Variants in EDC3 observed in about 807,000 individuals in gnomAD.
EDC3 encodes enhancer of mRNA-decapping protein 3.
EDC3 carries 20 observed loss-of-function variants against 41.8 expected under a neutral mutation model. The ratio of observed to expected loss-of-function variants is 0.48; its 90% confidence interval spans 0.34 to 0.70. EDC3 has a LOEUF of 0.70. Ranked by LOEUF, EDC3 falls within the 30% of genes least tolerant of loss-of-function variation. The pLI, the probability that EDC3 is intolerant of heterozygous loss-of-function variation, is 0.01. For synonymous variants in EDC3, 206 were observed against 243.2 expected (o/e 0.85, Z 1.42); for missense variants, 444 against 636.8 (o/e 0.70, Z 3.26).
chr15:74,666,996 A>C (rs984726094), intron 3 of EDC3, among the ~76,000 whole-genome samples: 6 of 152,226 alleles, frequency 3.9e-5, no homozygotes, highest in African/African-American at 1.4e-4. Context: ...GATGAAAGGC[A>C]AAAGAAACAG....
Position 74,663,310 on chromosome 15 carries a change from A to T in EDC3, c.485-7242T>A, listed in dbSNP as rs146718056. Among the ~76,000 whole-genome samples, 1,329 of 152,140 alleles carry T rather than the reference A, an allele frequency of 8.7e-3. 23 individuals carry two copies. The highest frequency in any genetic ancestry group is 0.029 in the African/African-American group (1,219 of 41,480). The stretch of plus-strand genomic sequence containing the variant: ...CTCAAAAAATAAATAAATAAATAAA[A>T]AATAAAATGTAAAGAAAAAGAAAAA... On this transcript the variant is annotated intron_variant, in intron 3 of 6. Coordinates refer to ENST00000315127, the MANE Select transcript of EDC3 (RefSeq NM_025083.5).
intron 4 of EDC3, among the ~76,000 whole-genome samples, chr15:74,648,029 G>C (rs1722679541): frequency 6.6e-6 from 1 of 152,140 alleles, no homozygotes; most frequent in South Asian, 2.1e-4. Flanking sequence ...GCATGGGTTG[G>C]GTCTATGGGT....
In EDC3 at chr15:74,694,492, T is replaced by G. The variant is rs1024035936; in HGVS notation, c.-19+1388A>C. 4.9e-4 allele frequency among the ~76,000 whole-genome samples: 74 copies of G among 152,254 alleles called. 1 individual carries two copies. Among genetic ancestry groups the G allele is most frequent in the African/African-American group, 1.7e-3 (71 of 41,560 alleles). On this transcript the variant is annotated intron_variant, in intron 1 of 6. Coordinates refer to ENST00000315127, the MANE Select transcript of EDC3 (RefSeq NM_025083.5). ...AGCTAAGTTTTGTATTTTTAGTACATACGGGGTTTCACCACGTTGCCCAGA... is the reference window on the plus strand; with the variant it reads ...AGCTAAGTTTTGTATTTTTAGTACAGACGGGGTTTCACCACGTTGCCCAGA...
intron 4 of EDC3, among the ~76,000 whole-genome samples, chr15:74,651,100 T>C (rs1427581821): frequency 6.6e-6 from 1 of 152,262 alleles, no homozygotes; most frequent in Admixed American, 6.5e-5. Context: ...AGCAGTATTC[T>C]TTGGGGAGTT....
chr15:74,679,842 G>C (rs189999669), intron 1 of EDC3: 9 of 151,246 alleles, frequency 6.0e-5, no homozygotes, highest in Admixed American at 3.3e-4. Flanking sequence ...CAGGAAGGGA[G>C]CTTGGGCCCA....
At chr15:74,667,127 T>C (rs1054880473) in intron 3 of EDC3, among the ~76,000 whole-genome samples, 2 of 151,908 alleles carry the variant, frequency 1.3e-5, no homozygotes, top group East Asian at 3.9e-4. Context: ...TGAATGACAA[T>C]AGGAGACAGG....
Position 74,632,949 on chromosome 15 carries a change from G to A in EDC3, c.1193-3C>T. 1 of 1,612,808 alleles carries A rather than the reference G, an allele frequency of 6.2e-7. No individual in the cohort carries two copies. The highest frequency in any genetic ancestry group is 8.5e-7 in the Non-Finnish European group (1 of 1,179,024). Reference sequence around the variant, plus strand: ...GTCCACAGGGCTAGTGGGCAGATCTGCAGGTGGAAAGAGTGCCATCTGAAA... The same window carrying A: ...GTCCACAGGGCTAGTGGGCAGATCTACAGGTGGAAAGAGTGCCATCTGAAA... On this transcript the variant is annotated splice_region_variant and splice_polypyrimidine_tract_variant and intron_variant, in intron 6 of 6. Transcript: ENST00000315127. This position sits in a 1 kb window ranked among gnomAD's most constrained non-coding sequence, Gnocchi z 4.0.
At chr15:74,646,081 T>C (rs2062414838) in intron 4 of EDC3, among the ~76,000 whole-genome samples, 1 of 150,782 alleles carries the variant, frequency 6.6e-6, no homozygotes. Flanking sequence ...TTTTTTTTTT[T>C]TGAGACAGAG....
At chr15:74,653,416 G>T (rs2062505498) in intron 4 of EDC3, among the ~76,000 whole-genome samples, 1 of 152,140 alleles carries the variant, frequency 6.6e-6, no homozygotes, top group South Asian at 2.1e-4. Flanking sequence ...CCTGCTTGAG[G>T]ATTGTGCCTT....
At chr15:74,692,328 A>T (rs2063017105) in intron 1 of EDC3, among the ~76,000 whole-genome samples, 1 of 152,232 alleles carries the variant, frequency 6.6e-6, no homozygotes, top group Non-Finnish European at 1.5e-5. Context: ...GATAAAAATG[A>T]CCAAAACTAA....
chr15:74,678,293 G>A (rs2062829104), intron 1 of EDC3, among the ~76,000 whole-genome samples: 1 of 152,170 alleles, frequency 6.6e-6, no homozygotes, highest in Non-Finnish European at 1.5e-5. Flanking sequence ...CGACCGTGGT[G>A]TGGAATGTTG....
chr15:74,655,106 C>T (rs2062530085), intron 4 of EDC3, among the ~76,000 whole-genome samples: 1 of 152,000 alleles, frequency 6.6e-6, no homozygotes, highest in African/African-American at 2.4e-5. Context: ...GTTTTATATG[C>T]CATAGGTTTG....
intron 1 of EDC3, among the ~76,000 whole-genome samples, chr15:74,675,796 G>T (rs1214161844): frequency 6.6e-6 from 1 of 151,286 alleles, no homozygotes; most frequent in African/African-American, 2.4e-5. Flanking sequence ...CAGGAGAATG[G>T]CGTCAACCCA....
chr15:74,650,012 C>G (rs981781243), intron 4 of EDC3, among the ~76,000 whole-genome samples: 3 of 152,142 alleles, frequency 2.0e-5, no homozygotes, highest in Non-Finnish European at 4.4e-5. Flanking sequence ...TCATCATAGC[C>G]TATCAAATTG....
chr15:74,683,194 T>C (rs2062894735), intron 1 of EDC3, among the ~76,000 whole-genome samples: 1 of 152,152 alleles, frequency 6.6e-6, no homozygotes, highest in Non-Finnish European at 1.5e-5. Flanking sequence ...GGTTGTGTTC[T>C]GTATGATTCC....
intron 4 of EDC3, chr15:74,642,224 G>A (rs1004501408): frequency 4.6e-5 from 7 of 152,186 alleles, no homozygotes; most frequent in East Asian, 1.9e-4. Context: ...AAGGTCTAAC[G>A]TATCAAATAA....
At chr15:74,652,815 A>C (rs182446490) in intron 4 of EDC3, among the ~76,000 whole-genome samples, 190 of 150,398 alleles carry the variant, frequency 1.3e-3, no homozygotes, top group African/African-American at 4.6e-3. Context: ...CCTGAGTTCA[A>C]GCAATCCTCC....
intron 1 of EDC3, among the ~76,000 whole-genome samples, chr15:74,686,217 C>T (rs1213760294): frequency 6.6e-6 from 1 of 151,910 alleles, no homozygotes. Flanking sequence ...CCCAGTTACT[C>T]AGGAGGCTGA....
chr15:74,653,759 A>G (rs540076534), intron 4 of EDC3, among the ~76,000 whole-genome samples: 6 of 152,346 alleles, frequency 3.9e-5, no homozygotes, highest in African/African-American at 1.4e-4. Context: ...TCAGTCATTA[A>G]AAACAAAAGA....
Sources: gnomAD v4.1 joint callset for allele counts (sites outside exome capture counted in the v4.1 genomes callset) on GRCh38, gnomAD v4.1.1 for gene constraint, Gnocchi (gnomAD v3.1) non-coding constraint, MANE v1.5 for transcripts, NCBI Gene and HGNC (gene_info 2026-07-23, HGNC 2026-07-21) for gene names.